The following NEURL2 variants were observed in gnomAD, a reference collection of about 807,000 sequenced individuals.
NEURL2 encodes the protein neuralized-like protein 2.
Under a neutral mutation model 15.9 loss-of-function variants are expected in NEURL2, and 16 were observed. That is an observed-to-expected ratio of 1.01 (90% CI 0.68 to 1.53). NEURL2 has a LOEUF of 1.53. Ranked by LOEUF, NEURL2 falls within the 40% of genes most tolerant of loss-of-function variation. NEURL2 has a pLI of 0.00. For missense variants in NEURL2, 393 were observed against 407.8 expected (o/e 0.96, Z 0.31); for synonymous variants, 188 against 178.3 (o/e 1.05, Z -0.43).
chr20:45,890,553 G>A lies in NEURL2; in HGVS notation c.439C>T (p.Leu147=). ...GGAATGCGAAACTGCTCAATGCGCA[G>A]ATATGGTTCCACGAGGAGGGTTGGA... ...RPPTLLVEPY[L]RIEQFRIPRD... The change falls in exon 1 of 2, where the codon CTG becomes TTG. Residue 147 remains leucine, a synonymous_variant. Transcript: ENST00000372518. 6.2e-7 allele frequency: 1 copy of A among 1,611,532 alleles called. No homozygotes were observed. Among genetic ancestry groups the A allele is most frequent in the Non-Finnish European group, 8.5e-7 (1 of 1,178,938 alleles).
In NEURL2 at chr20:45,890,534, C is replaced by T. The variant is rs1432580159; in HGVS notation, c.458G>A (p.Arg153His). 6.2e-7 allele frequency: 1 copy of T among 1,607,212 alleles called. No homozygotes were observed. The highest frequency in any genetic ancestry group is 1.1e-5 in the South Asian group (1 of 90,292). ...GCCCACCAGGCGGTCCCGGGGAATG[C>T]GAAACTGCTCAATGCGCAGATATGG... The part of the protein sequence containing the change: ...VEPYLRIEQF[R>H]IPRDRLVGRS... Residue 153 changes from arginine (R) to histidine (H), a missense_variant, in exon 1 of 2, where the codon CGC (arginine) becomes CAC (histidine). By Grantham distance (29) the Arg-to-His change is conservative. Transcript: ENST00000372518.
At position 45,888,720 on chromosome 20, in the gene NEURL2, C is replaced by G. The variant is rs1319984773; in HGVS notation, c.*38G>C. The G allele has an allele frequency of 5.0e-6, 8 of 1,608,006 alleles. No homozygotes were observed. Among genetic ancestry groups the G allele is most frequent in the Non-Finnish European group, 6.8e-6 (8 of 1,176,344 alleles). On this transcript the variant is annotated 3_prime_UTR_variant, in exon 2 of 2. Transcript: ENST00000372518. Reference sequence around the variant, plus strand: ...GGACCAGCCAGCCACAGGTCTGGGGCTCCAGGATGCAGCTGTGCTCTGGTG... The same window carrying G: ...GGACCAGCCAGCCACAGGTCTGGGGGTCCAGGATGCAGCTGTGCTCTGGTG...
chr20:45,890,988 C>T lies in NEURL2; in HGVS notation c.4G>A (p.Ala2Thr). The change falls in exon 1 of 2, where the codon GCT (alanine) becomes ACT (threonine). Residue 2 changes from alanine to threonine, a missense_variant. Physicochemically the swap from Ala to Thr is moderately conservative, Grantham distance 58 (BLOSUM62 0). Transcript: ENST00000372518. ...GAATCCACGGGCTCGGAGGCAGCAG[C>T]CATCTCTCGGCCATAGGGCAGGCCA... M[A>T]AASEPVDSGA... 6.7e-7 allele frequency: 1 copy of T among 1,486,546 alleles called. No homozygotes were observed. The highest frequency in any genetic ancestry group is 1.4e-5 in the African/African-American group (1 of 71,618). The allele number at this position is 1,486,546 out of a possible 1,614,324, so 92.1% of individuals were successfully genotyped here.
In NEURL2 at chr20:45,890,311, G is replaced by A. The variant is rs367770819; in HGVS notation, c.681C>T (p.Tyr227=). 1 of 1,613,402 alleles carries A rather than the reference G, an allele frequency of 6.2e-7. No individual in the cohort carries two copies. Among genetic ancestry groups the A allele is most frequent in the Admixed American group, 1.7e-5 (1 of 60,030 alleles). Residue 227 remains tyrosine (Y), a synonymous_variant, in exon 1 of 2, where the codon TAC becomes TAT. Transcript: ENST00000372518. ...ARGLPAAQPL[Y]AVVDVFASTK... Reference sequence around the variant, plus strand: ...TGGAAGCAAACACGTCCACCACCGCGTAGAGGGGCTGCGCAGCTGGCAGTC... The same window carrying A: ...TGGAAGCAAACACGTCCACCACCGCATAGAGGGGCTGCGCAGCTGGCAGTC...
chr20:45,890,064 G>C (rs1218713410), intron 1 of NEURL2, 186 bp downstream of exon 1: 1 of 630,356 alleles, frequency 1.6e-6, no homozygotes. Flanking sequence ...ACCAAGATAG[G>C]TACCAAGGCC....
In NEURL2 at chr20:45,890,364, C is replaced by A; in HGVS notation, c.628G>T (p.Gly210Cys). 1 of 1,612,992 alleles carries A rather than the reference C, an allele frequency of 6.2e-7. No individual in the cohort carries two copies. Among genetic ancestry groups the A allele is most frequent in the Non-Finnish European group, 8.5e-7 (1 of 1,180,020 alleles). The stretch of plus-strand genomic sequence containing the variant: ...CGGGCGCTCGGGCCCATGTCCTCGC[C>A]GTTGATGATGATGTGCATGTCGGCC... The part of the protein sequence containing the change: ...GTADMHIIIN[G>C]EDMGPSARGL... The change falls in exon 1 of 2, where the codon GGC becomes TGC. Residue 210 changes from glycine to cysteine, a missense_variant. Transcript: ENST00000372518.
Position 45,888,749 on chromosome 20 carries a change from T to C in NEURL2, c.*9A>G. 1 of 1,613,866 alleles carries C rather than the reference T, an allele frequency of 6.2e-7. No homozygotes were observed. The highest frequency in any genetic ancestry group is 1.1e-5 in the South Asian group (1 of 91,054). On this transcript the variant is annotated 3_prime_UTR_variant, in exon 2 of 2. Transcript: ENST00000372518. ...AGGATGCAGCTGTGCTCTGGTGCACTGTGGGTCTTCACTCATACTTGCAGA... is the reference window on the plus strand; with the variant it reads ...AGGATGCAGCTGTGCTCTGGTGCACCGTGGGTCTTCACTCATACTTGCAGA...
intron 1 of NEURL2, among the ~76,000 whole-genome samples, chr20:45,889,314 G>A (rs1050806858): frequency 3.9e-5 from 6 of 152,026 alleles, no homozygotes; most frequent in African/African-American, 1.4e-4. Context: ...GAAGCCAATA[G>A]CCAATATGCC....
At position 45,891,191 on chromosome 20, in the gene NEURL2, G is replaced by T; in HGVS notation, c.-200C>A. On this transcript the variant is annotated 5_prime_UTR_variant, in exon 1 of 2. Coordinates refer to ENST00000372518, the MANE Select transcript of NEURL2 (RefSeq NM_080749.4). This position sits in a 1 kb window ranked among gnomAD's most constrained non-coding sequence, Gnocchi z 4.6. ...ACAACAGGATCATCTGATCGCGTGC[G>T]CCCGGGCTACGATCTGCGAGGCCCG... is the stretch of plus-strand genomic sequence containing the variant. 2 of 1,063,124 alleles carry T rather than the reference G, an allele frequency of 1.9e-6. No individual in the cohort carries two copies. Among genetic ancestry groups the T allele is most frequent in the South Asian group, 1.4e-5 (1 of 69,756 alleles). The allele number at this position is 1,063,124 out of a possible 1,614,324, so 65.9% of individuals were successfully genotyped here.
chr20:45,890,962 C>T lies in NEURL2; in HGVS notation c.30G>A (p.Ser10=), dbSNP rs571518624. MAAASEPVD[S]GALWGLERPE... ...GGCGCTCGAGTCCCCAGAGTGCACC[C>T]GAATCCACGGGCTCGGAGGCAGCAG... The change falls in exon 1 of 2, where the codon TCG becomes TCA. Residue 10 remains serine, a synonymous_variant. Transcript: ENST00000372518. The T allele has an allele frequency of 6.7e-7, 1 of 1,502,562 alleles. No homozygotes were observed. Among genetic ancestry groups the T allele is most frequent in the Admixed American group, 2.4e-5 (1 of 40,940 alleles). The allele number at this position is 1,502,562 out of a possible 1,614,324, so 93.1% of individuals were successfully genotyped here. A position where few individuals can be genotyped will look rare whatever the true frequency, so the allele number is the denominator to read the frequency against.
In NEURL2 at chr20:45,891,115, G is replaced by A; in HGVS notation, c.-124C>T. 8.8e-7 allele frequency: 1 copy of A among 1,138,864 alleles called. No homozygotes were observed. The highest frequency in any genetic ancestry group is 1.2e-6 in the Non-Finnish European group (1 of 815,592). The allele number at this position is 1,138,864 out of a possible 1,614,324, so 70.5% of individuals were successfully genotyped here. ...GACTCCCTTCCCCGAGCCTCTGCCC[G>A]GGGGTCCTAGCGCCGCTTTCTCAGC... On this transcript the variant is annotated 5_prime_UTR_variant, in exon 1 of 2. Coordinates refer to ENST00000372518, the MANE Select transcript of NEURL2 (RefSeq NM_080749.4). This position sits in a 1 kb window ranked among gnomAD's most constrained non-coding sequence, Gnocchi z 4.6.
chr20:45,889,197 A>C (rs1986611698), intron 1 of NEURL2, among the ~76,000 whole-genome samples: 1 of 152,146 alleles, frequency 6.6e-6, no homozygotes, highest in Middle Eastern at 3.2e-3. Flanking sequence ...GTTCTGGTGC[A>C]TTGAGTTCAT....
rs73622628 is a variant in NEURL2 at position 45,890,230 on chromosome 20, C to T, written c.742+20G>A. 6.2e-7 allele frequency: 1 copy of T among 1,613,756 alleles called. No individual in the cohort carries two copies. Among genetic ancestry groups the T allele is most frequent in the Non-Finnish European group, 8.5e-7 (1 of 1,179,968 alleles). ...GTCCCCACACTGAGCCAGGAGGGGT[C>T]GCTGCCCAGGGATACCTACAGCCAT... On this transcript the variant is annotated intron_variant, in intron 1 of 1. Coordinates refer to ENST00000372518, the MANE Select transcript of NEURL2 (RefSeq NM_080749.4).
At chr20:45,889,668 C>T (rs1013527541) in intron 1 of NEURL2, among the ~76,000 whole-genome samples, 21 of 151,618 alleles carry the variant, frequency 1.4e-4, no homozygotes, top group Non-Finnish European at 7.4e-5. Context: ...GGCTGGAGTG[C>T]ACTGGTGAGA....
intron 1 of NEURL2, among the ~76,000 whole-genome samples, chr20:45,889,597 TTC>T (rs1356726639): frequency 7.1e-6 from 1 of 140,536 alleles, no homozygotes; most frequent in Non-Finnish European, 1.5e-5. Context: ...CTTGCTTGCT[TTC>T]TCTCTCTTCC....
chr20:45,890,769 GCT>G lies in NEURL2; in HGVS notation c.221_222del (p.Glu74AlafsTer76). On this transcript the variant is annotated frameshift_variant, in exon 1 of 2. Transcript: ENST00000372518. LOFTEE classifies it high-confidence loss of function. Reference protein sequence around the residue: ...QVFLVEIEEKELGWCGHLRLG... With the variant: ...QVFLVEIEEKXLGWCGHLRLG... ...AGACGCAGATGTCCGCACCAGCCCA[GCT>G]CTTTCTCCTCGATCTCGACCAGGAA... 6.2e-7 allele frequency: 1 copy of G among 1,610,918 alleles called. No individual in the cohort carries two copies. The highest frequency in any genetic ancestry group is 1.7e-4 in the Middle Eastern group (1 of 6,050).
intron 1 of NEURL2, among the ~76,000 whole-genome samples, chr20:45,889,854 T>A (rs1389991067): frequency 1.3e-5 from 2 of 152,178 alleles, no homozygotes; most frequent in African/African-American, 4.8e-5. Context: ...CCTCAAGTGA[T>A]CTGCCTGCCT....
chr20:45,889,990 C>G (rs1037321608), intron 1 of NEURL2, among the ~76,000 whole-genome samples: 1 of 152,162 alleles, frequency 6.6e-6, no homozygotes, highest in African/African-American at 2.4e-5. Flanking sequence ...AATCCCTGCC[C>G]TAGGTGAATA....
rs1986797132 is a variant in NEURL2 at position 45,891,054 on chromosome 20, T to C, written c.-63A>G. On this transcript the variant is annotated 5_prime_UTR_variant, in exon 1 of 2. Transcript: ENST00000372518. This position sits in a 1 kb window ranked among gnomAD's most constrained non-coding sequence, Gnocchi z 4.6. ...TATTTTGGGCGGCGGGCAATGATGG[T>C]GACCGCAAGGCGACCTTGTAAGGCA... The C allele has an allele frequency of 4.2e-6, 6 of 1,425,676 alleles. No homozygotes were observed. In the Admixed American group the frequency reaches 8.4e-5, roughly 20 times the overall value. 88.3% of individuals were successfully genotyped at this position (1,425,676 alleles called of 1,614,324 possible).
Sources: gnomAD v4.1 joint callset for allele counts (sites outside exome capture counted in the v4.1 genomes callset) on GRCh38, gnomAD v4.1.1 for gene constraint, Gnocchi (gnomAD v3.1) non-coding constraint, MANE v1.5 for transcripts, NCBI Gene and HGNC (gene_info 2026-07-23, HGNC 2026-07-21) for gene names.